AP1S3: variants seen among roughly 807,000 people sequenced by gnomAD.
AP1S3 encodes AP-1 complex subunit sigma-3.
A neutral mutation model predicts 20.9 loss-of-function variants in AP1S3; 10 were observed. The ratio of observed to expected loss-of-function variants is 0.48; its 90% confidence interval spans 0.29 to 0.81. The LOEUF is 0.81. Among genes scored for constraint, AP1S3 ranks in the 30% least tolerant of loss-of-function variants. The pLI is 0.08. For missense variants in AP1S3, 154 were observed against 183.8 expected (o/e 0.84, Z 0.94); for synonymous variants, 41 against 61.5 (o/e 0.67, Z 1.56).
At chr2:223,809,751 T>C (rs1691677165) in intron 1 of AP1S3, among the ~76,000 whole-genome samples, 1 of 150,202 alleles carries the variant, frequency 6.7e-6, no homozygotes, top group Admixed American at 6.6e-5. Flanking sequence ...TTTTTTGAGA[T>C]AGAGTCTTGC....
At chr2:223,808,256 C>A (rs573554449) in intron 1 of AP1S3, among the ~76,000 whole-genome samples, 2 of 152,142 alleles carry the variant, frequency 1.3e-5, no homozygotes, top group Admixed American at 1.3e-4. Flanking sequence ...AGAACCCTAT[C>A]CTGCTCAACA....
In AP1S3 at chr2:223,773,244, G is replaced by A. The variant is rs1190272235; in HGVS notation, c.291+2657C>T. ...CATTATCACAGTTGGTTTAATCTAG[G>A]AAAATACAACAGGTCAAGCCGGAGT... On this transcript the variant is annotated intron_variant, in intron 3 of 4. Coordinates refer to ENST00000396654, the MANE Select transcript of AP1S3 (RefSeq NM_001039569.2). 4.7e-6 allele frequency: 6 copies of A among 1,276,342 alleles called. No homozygotes were observed. In the African/African-American group the frequency reaches 7.8e-5, roughly 17 times the overall value. 79.1% of individuals were successfully genotyped at this position (1,276,342 alleles called of 1,614,324 possible).
In AP1S3 at chr2:223,809,387, A is replaced by G. The variant is rs1177573824; in HGVS notation, c.3+28061T>C. On this transcript the variant is annotated intron_variant, in intron 1 of 4. Transcript: ENST00000396654. Reference sequence around the variant, plus strand: ...TGGCTGGGCATGGTGGCTCACACCTATAATCCCAGCACTTCGGGAGGCCAA... The same window carrying G: ...TGGCTGGGCATGGTGGCTCACACCTGTAATCCCAGCACTTCGGGAGGCCAA... 7.9e-5 allele frequency among the ~76,000 whole-genome samples: 12 copies of G among 152,124 alleles called. 1 individual carries two copies. Among genetic ancestry groups the G allele is most frequent in the Non-Finnish European group, 2.9e-5 (2 of 67,988 alleles).
intron 1 of AP1S3, among the ~76,000 whole-genome samples, chr2:223,800,075 C>A (rs1691430512): frequency 6.6e-6 from 1 of 150,814 alleles, no homozygotes; most frequent in Non-Finnish European, 1.5e-5. Flanking sequence ...ATTAGCCAGG[C>A]ATGGTGGCAC....
In AP1S3 at chr2:223,788,779, A is replaced by AAGAAG. The variant is rs1553585700; in HGVS notation, c.4-10911_4-10910insCTTCT. Among the ~76,000 whole-genome samples, 391 of 146,340 alleles carry AAGAAG rather than the reference A, an allele frequency of 2.7e-3. 2 individuals are homozygous for AAGAAG. The highest frequency in any genetic ancestry group is 9.3e-3 in the African/African-American group (367 of 39,310). ...ACTCTGTCTAAAAAAAAAAAAAAAA[A>AAGAAG]AAGAAGAAGAAGAAGAAGAGATATT... is the stretch of plus-strand genomic sequence containing the variant. On this transcript the variant is annotated intron_variant, in intron 1 of 4. Coordinates refer to ENST00000396654, the MANE Select transcript of AP1S3 (RefSeq NM_001039569.2).
At chr2:223,836,628 T>C (rs1258171724) in intron 1 of AP1S3, among the ~76,000 whole-genome samples, 1 of 152,122 alleles carries the variant, frequency 6.6e-6, no homozygotes, top group African/African-American at 2.4e-5. Flanking sequence ...TAATCCCCGT[T>C]ACTCGGGAGG....
intron 1 of AP1S3, among the ~76,000 whole-genome samples, chr2:223,825,941 T>G (rs983040327): frequency 6.6e-6 from 1 of 152,078 alleles, no homozygotes; most frequent in Non-Finnish European, 1.5e-5. Context: ...CACTTGAACC[T>G]GGGACCAGAG....
intron 1 of AP1S3, among the ~76,000 whole-genome samples, chr2:223,819,655 C>CA (rs1441477811): frequency 1.3e-5 from 2 of 150,736 alleles, no homozygotes; most frequent in African/African-American, 2.4e-5. Context: ...CACAGTTAAC[C>CA]AAAAAAAGAA....
At chr2:223,797,982 G>A (rs1691383473) in intron 1 of AP1S3, among the ~76,000 whole-genome samples, 1 of 152,062 alleles carries the variant, frequency 6.6e-6, no homozygotes, top group Admixed American at 6.6e-5. Flanking sequence ...ACCTATTTGA[G>A]GAAGTGGTCC....
chr2:223,822,044 A>G (rs1431020371), intron 1 of AP1S3, among the ~76,000 whole-genome samples: 1 of 152,078 alleles, frequency 6.6e-6, no homozygotes, highest in African/African-American at 2.4e-5. Context: ...CAATCCTTCC[A>G]AGCAATATGC....
intron 1 of AP1S3, among the ~76,000 whole-genome samples, chr2:223,801,642 C>T (rs1454358748): frequency 6.6e-6 from 1 of 152,130 alleles, no homozygotes; most frequent in East Asian, 1.9e-4. Context: ...TGGGGTTTCA[C>T]CATGTTGGCC....
chr2:223,806,277 ATTT>A (rs144953846), intron 1 of AP1S3, among the ~76,000 whole-genome samples: 4,023 of 110,844 alleles, frequency 0.036, 46 homozygotes, highest in Non-Finnish European at 0.052. Context: ...AAACAAAGGA[ATTT>A]TTTTTTTTTT....
At chr2:223,767,273 T>C (rs1442221663) in intron 3 of AP1S3, among the ~76,000 whole-genome samples, 2 of 152,160 alleles carry the variant, frequency 1.3e-5, no homozygotes, top group Non-Finnish European at 2.9e-5. Flanking sequence ...TCTTCACCAA[T>C]CTCTCTTCCT....
chr2:223,830,478 CA>C (rs11359575), intron 1 of AP1S3, among the ~76,000 whole-genome samples: 61,043 of 116,136 alleles, frequency 0.53, 13,577 homozygotes, highest in Middle Eastern at 0.64. Context: ...GACTCTCTCT[CA>C]AAAAAAAAAA....
chr2:223,804,531 T>G (rs1342433019), intron 1 of AP1S3, among the ~76,000 whole-genome samples: 1 of 152,006 alleles, frequency 6.6e-6, no homozygotes, highest in South Asian at 2.1e-4. Context: ...AGACTCTATA[T>G]CTACAAAAAA....
chr2:223,780,349 A>AGTGTGTGTGTGTGT (rs1298235522), intron 1 of AP1S3, among the ~76,000 whole-genome samples: 2 of 69,800 alleles, frequency 2.9e-5, no homozygotes, highest in African/African-American at 6.3e-5. Context: ...AGAGAGAGAG[A>AGTGTGTGTGTGTGT]GAGAGAGAGT....
chr2:223,833,561 G>A (rs532235168), intron 1 of AP1S3, among the ~76,000 whole-genome samples: 6 of 152,292 alleles, frequency 3.9e-5, no homozygotes, highest in African/African-American at 1.4e-4. Flanking sequence ...CATTTTCTGT[G>A]TGTAAAGTAC....
chr2:223,780,887 C>T (rs1690931906), intron 1 of AP1S3, among the ~76,000 whole-genome samples: 1 of 151,802 alleles, frequency 6.6e-6, no homozygotes, highest in Non-Finnish European at 1.5e-5. Context: ...CTGAACCTGT[C>T]AATCAGGCAC....
intron 1 of AP1S3, among the ~76,000 whole-genome samples, chr2:223,803,939 G>C (rs1208982028): frequency 1.3e-5 from 2 of 151,858 alleles, no homozygotes; most frequent in Admixed American, 1.3e-4. Flanking sequence ...AATAATGAGT[G>C]CAATTTTCCT....
Sources: allele counts gnomAD v4.1 joint callset (sites outside exome capture counted in the v4.1 genomes callset), GRCh38; gene constraint gnomAD v4.1.1; transcripts MANE v1.5; gene names NCBI Gene and HGNC (gene_info 2026-07-23, HGNC 2026-07-21).